Variants in MCF2L2 observed in about 807,000 individuals in gnomAD.
MCF2L2 encodes probable guanine nucleotide exchange factor MCF2L2.
MCF2L2 carries 102 observed loss-of-function variants against 150.2 expected under a neutral mutation model. The ratio of observed to expected loss-of-function variants is 0.68; its 90% CI spans 0.58 to 0.80. The LOEUF (loss-of-function observed/expected upper bound fraction) is 0.80. Ranked by LOEUF, MCF2L2 falls within the 30% of genes least tolerant of loss-of-function variation. MCF2L2 has a pLI of 0.00. For missense variants in MCF2L2, 1,256 were observed against 1,372.8 expected (o/e 0.91, Z 1.34); for synonymous variants, 465 against 491.3 (o/e 0.95, Z 0.71).
intron 2 of MCF2L2, among the ~76,000 whole-genome samples, chr3:183,379,902 G>A (rs1043811277): frequency 2.0e-5 from 3 of 151,322 alleles, no homozygotes; most frequent in African/African-American, 7.3e-5. Context: ...TATATATATA[G>A]ATATATATGA....
chr3:183,312,261 A>G (rs1729413670), intron 7 of MCF2L2, among the ~76,000 whole-genome samples: 1 of 152,200 alleles, frequency 6.6e-6, no homozygotes, highest in South Asian at 2.1e-4. Context: ...GGCCTTGTTT[A>G]ATTATTTAAG....
chr3:183,423,135 G>T (rs1463533412), intron 1 of MCF2L2, among the ~76,000 whole-genome samples: 1 of 152,138 alleles, frequency 6.6e-6, no homozygotes, highest in East Asian at 1.9e-4. Context: ...ATAGTCAGAT[G>T]GGGGAACATG....
At chr3:183,425,887 G>A (rs919959166) in intron 1 of MCF2L2, among the ~76,000 whole-genome samples, 7 of 151,914 alleles carry the variant, frequency 4.6e-5, no homozygotes, top group East Asian at 1.9e-4. Context: ...CCCGGGAGGC[G>A]GAGGTTGCAG....
chr3:183,194,404 T>C (rs1722012648), intron 26 of MCF2L2, among the ~76,000 whole-genome samples: 1 of 152,122 alleles, frequency 6.6e-6, no homozygotes, highest in Admixed American at 6.6e-5. Flanking sequence ...GAAAGAAGTG[T>C]GAGCACATCT....
intron 13 of MCF2L2, among the ~76,000 whole-genome samples, chr3:183,290,312 G>T (rs1427374555): frequency 6.6e-6 from 1 of 152,138 alleles, no homozygotes; most frequent in Non-Finnish European, 1.5e-5. Context: ...AAGCTCCATG[G>T]CCATTTGGTA....
intron 1 of MCF2L2, among the ~76,000 whole-genome samples, chr3:183,403,369 C>T (rs1237181174): frequency 6.6e-6 from 1 of 152,314 alleles, no homozygotes; most frequent in Non-Finnish European, 1.5e-5. Context: ...ATAATGACGA[C>T]TTGTGATAAG....
chr3:183,241,801 G>A (rs1050579922), intron 15 of MCF2L2, among the ~76,000 whole-genome samples: 1 of 152,204 alleles, frequency 6.6e-6, no homozygotes, highest in African/African-American at 2.4e-5. Context: ...ACAGTTTGGA[G>A]GGCTCAGAAG....
intron 1 of MCF2L2, among the ~76,000 whole-genome samples, chr3:183,427,011 A>G (rs576813259): frequency 6.6e-6 from 1 of 152,370 alleles, no homozygotes; most frequent in African/African-American, 2.4e-5. Flanking sequence ...CAAGGCAAAT[A>G]GTTCCTGGCT....
intron 15 of MCF2L2, among the ~76,000 whole-genome samples, chr3:183,259,109 A>G (rs1725352237): frequency 6.6e-6 from 1 of 152,170 alleles, no homozygotes; most frequent in African/African-American, 2.4e-5. Context: ...CCAACTGCAT[A>G]TGGGTTTCTA....
At chr3:183,377,529 G>A (rs528631571) in intron 3 of MCF2L2, 2 of 152,210 alleles carry the variant, frequency 1.3e-5, no homozygotes, top group Non-Finnish European at 2.9e-5. Context: ...CTGTGCTAGG[G>A]CTGGAGATTT....
rs908266814 is a variant in MCF2L2, at chr3:183,178,660, C to A, written c.*720G>T. 2.6e-5 allele frequency: 4 copies of A among 152,122 alleles called. No individual in the cohort carries two copies. The highest frequency in any genetic ancestry group is 2.6e-4 in the Admixed American group (4 of 15,270). 9.4% of individuals were successfully genotyped at this position (152,122 alleles called of 1,614,324 possible). ...CAGAAAGCTACAAAGAAATGAAAAT[C>A]AACTAATAAAACTAAAAATAAAATA... On this transcript the variant is annotated 3_prime_UTR_variant, in exon 30 of 30. Coordinates refer to ENST00000328913, the MANE Select transcript of MCF2L2 (RefSeq NM_015078.4).
At position 183,267,763 on chromosome 3, in the gene MCF2L2, G is replaced by A. The variant is rs1726303505; in HGVS notation, c.1862+9109C>T. The stretch of plus-strand genomic sequence containing the variant: ...AGGAGGGTGCTGCGTCCCAGTGGTG[G>A]AGGAAAAGAGAGGACCTGGTGTAAG... On this transcript the variant is annotated intron_variant, in intron 15 of 29. Transcript: ENST00000328913. The surrounding 1 kb of genome is among the most constrained non-coding windows in gnomAD (Gnocchi z 5.5). Among the ~76,000 whole-genome samples the A allele has an allele frequency of 6.6e-6, 1 of 152,202 alleles. No homozygotes were observed. The highest frequency in any genetic ancestry group is 2.4e-5 in the African/African-American group (1 of 41,440).
chr3:183,323,305 T>C lies in MCF2L2; in HGVS notation c.533A>G (p.Lys178Arg). ...CCCTAATTCCCGGGTCAGTTGGCTTTTGTCGATGTAGCCGTGAAGGTCAGA... is the reference window on the plus strand; with the variant it reads ...CCCTAATTCCCGGGTCAGTTGGCTTCTGTCGATGTAGCCGTGAAGGTCAGA... ...SVSDLHGYID[K>R]SQLTRELGGT... Residue 178 changes from lysine (K) to arginine (R), a missense_variant, in exon 6 of 30, where the codon AAA (lysine) becomes AGA (arginine). Transcript: ENST00000328913. 1 of 1,614,042 alleles carries C rather than the reference T, an allele frequency of 6.2e-7. No individual in the cohort carries two copies. Among genetic ancestry groups the C allele is most frequent in the Non-Finnish European group, 8.5e-7 (1 of 1,179,910 alleles).
At chr3:183,207,518 C>A (rs1365673773) in intron 23 of MCF2L2, 90 bp downstream of exon 23, 1 of 1,005,236 alleles carries the variant, frequency 9.9e-7, no homozygotes, top group Admixed American at 2.0e-5. Flanking sequence ...CACCTCTCTA[C>A]ACTGCAGCTT....
chr3:183,194,559 G>GA (rs1431474192), intron 26 of MCF2L2, among the ~76,000 whole-genome samples: 3 of 152,098 alleles, frequency 2.0e-5, no homozygotes, highest in African/African-American at 7.2e-5. Flanking sequence ...GCAGCCTTGT[G>GA]AAAATAGGAA....
At chr3:183,295,549 T>C in intron 12 of MCF2L2, 72 bp from the exon 13 acceptor site, 1 of 1,446,280 alleles carries the variant, frequency 6.9e-7, no homozygotes, top group Non-Finnish European at 9.6e-7. Flanking sequence ...AGCATTCCCT[T>C]TCTCCCACCT....
chr3:183,379,789 A>G (rs555950912), intron 2 of MCF2L2, among the ~76,000 whole-genome samples: 1 of 152,314 alleles, frequency 6.6e-6, no homozygotes, highest in Admixed American at 6.5e-5. Context: ...CGCTAAAATC[A>G]GACAGCCTGG....
In MCF2L2 at chr3:183,227,823, CT is replaced by C. The variant is rs1723399608; in HGVS notation, c.2115+473del. On this transcript the variant is annotated intron_variant, in intron 18 of 29. Coordinates refer to ENST00000328913, the MANE Select transcript of MCF2L2 (RefSeq NM_015078.4). This position sits in a 1 kb window ranked among gnomAD's most constrained non-coding sequence, Gnocchi z 4.0. The stretch of plus-strand genomic sequence containing the variant: ...AAAGGGCAGATACAAGATATACTGT[CT>C]TGACAAATTGCAAGTGTACAGTACA... 1 of 152,486 alleles carries C rather than the reference CT, an allele frequency of 6.6e-6. No homozygotes were observed. The highest frequency in any genetic ancestry group is 2.1e-4 in the South Asian group (1 of 4,836). The allele number at this position is 152,486 out of a possible 1,614,324, so 9.4% of individuals were successfully genotyped here.
rs867050216 is a variant in MCF2L2 at position 183,190,591 on chromosome 3, G to A, written c.3016+2408C>T. 4.6e-5 allele frequency among the ~76,000 whole-genome samples: 7 copies of A among 152,328 alleles called. No homozygotes were observed. The South Asian group carries it at 8.3e-4, about 18-fold the overall frequency. On this transcript the variant is annotated intron_variant, in intron 27 of 29. Transcript: ENST00000328913. ...TACTGGAGCATGGATGGCACCACAGGTTACCATCTTGAGACAGAAGGACTG... is the reference window on the plus strand; with the variant it reads ...TACTGGAGCATGGATGGCACCACAGATTACCATCTTGAGACAGAAGGACTG...
Sources: gnomAD v4.1 joint callset for allele counts (sites outside exome capture counted in the v4.1 genomes callset) on GRCh38, gnomAD v4.1.1 for gene constraint, Gnocchi (gnomAD v3.1) non-coding constraint, MANE v1.5 for transcripts, NCBI Gene and HGNC (gene_info 2026-07-23, HGNC 2026-07-21) for gene names.